The following PPFIA1 variants were observed in gnomAD, a reference collection of about 807,000 sequenced individuals.
The protein encoded by PPFIA1 is liprin-alpha-1.
In PPFIA1, 25 loss-of-function variants were observed where a neutral mutation model predicts 149.9. That is an observed-to-expected ratio of 0.17 (90% CI 0.12 to 0.23). The LOEUF (loss-of-function observed/expected upper bound fraction) is 0.23, where lower values mean the gene tolerates loss of function less well. PPFIA1 is among the 10% of genes least tolerant of loss of function. The pLI is 1.00. For synonymous variants in PPFIA1, 549 were observed against 552.8 expected (o/e 0.99, Z 0.10); for missense variants, 1,362 against 1,506.5 (o/e 0.90, Z 1.59).
chr11:70,339,410 CT>C, intron 14 of PPFIA1, 104 bp downstream of exon 14: 1 of 1,287,284 alleles, frequency 7.8e-7, no homozygotes, highest in Non-Finnish European at 1.1e-6. Flanking sequence ...TCATTGCTTT[CT>C]TGCCCTCCTC....
At chr11:70,300,723 C>T (rs1278349938) in intron 2 of PPFIA1, among the ~76,000 whole-genome samples, 84 of 152,220 alleles carry the variant, frequency 5.5e-4, no homozygotes, top group Non-Finnish European at 1.3e-4. Context: ...TTAGTAGAGA[C>T]AGGGTTTCAC....
intron 2 of PPFIA1, among the ~76,000 whole-genome samples, chr11:70,290,134 G>A (rs1321015227): frequency 6.6e-6 from 1 of 152,104 alleles, no homozygotes; most frequent in Admixed American, 6.6e-5. Context: ...GGAGGCTGAG[G>A]CACGAGAATC....
Position 70,375,021 on chromosome 11 carries a change from T to C in PPFIA1, c.3243T>C (p.Leu1081=). ...TAGAGAGTGGTGTTCACGGAGCACT[T>C]CTGGCCTTAGATGAAACCTTCGACT... ...NLIESGVHGA[L]LALDETFDFS... is the part of the protein sequence containing the mutation. Residue 1081 remains leucine, a synonymous_variant, in exon 24 of 28, where the codon CTT becomes CTC. Coordinates refer to ENST00000253925, the MANE Select transcript of PPFIA1 (RefSeq NM_003626.5). 1 of 1,613,974 alleles carries C rather than the reference T, an allele frequency of 6.2e-7. No individual in the cohort carries two copies. Among genetic ancestry groups the C allele is most frequent in the African/African-American group, 1.3e-5 (1 of 75,022 alleles).
chr11:70,299,426 A>G (rs1352629358), intron 2 of PPFIA1, among the ~76,000 whole-genome samples: 5 of 152,192 alleles, frequency 3.3e-5, no homozygotes, highest in Non-Finnish European at 7.3e-5. Context: ...CATGTTAGGT[A>G]AACCCCTGTG....
At chr11:70,323,217 G>T (rs1000715390) in intron 2 of PPFIA1, among the ~76,000 whole-genome samples, 1 of 152,138 alleles carries the variant, frequency 6.6e-6, no homozygotes, top group Non-Finnish European at 1.5e-5. Flanking sequence ...GGGTTTAAAT[G>T]TTAGTGCCCT....
chr11:70,331,856 A>T (rs1180288402), intron 8 of PPFIA1, 104 bp from the exon 9 acceptor site: 1 of 1,275,396 alleles, frequency 7.8e-7, no homozygotes, highest in Non-Finnish European at 1.1e-6. Flanking sequence ...CTCTTCCATC[A>T]TGACTCTCTT....
chr11:70,377,937 C>A, intron 25 of PPFIA1, 93 bp from the exon 26 acceptor site: 1 of 983,478 alleles, frequency 1.0e-6, no homozygotes, highest in Non-Finnish European at 1.5e-6. Context: ...AATACATTCT[C>A]GAGATCAGCA....
At position 70,333,506 on chromosome 11, in the gene PPFIA1, C is replaced by G. The variant is rs1232189475; in HGVS notation, c.1249C>G (p.Arg417Gly). 6 of 1,613,244 alleles carry G rather than the reference C, an allele frequency of 3.7e-6. No individual in the cohort carries two copies. The highest frequency in any genetic ancestry group is 4.2e-6 in the Non-Finnish European group (5 of 1,179,770). The change falls in exon 10 of 28, where the codon CGA becomes GGA. Residue 417 changes from arginine (R) to glycine (G), a missense_variant. By Grantham distance (125) the Arg-to-Gly change is moderately radical. Coordinates refer to ENST00000253925, the MANE Select transcript of PPFIA1 (RefSeq NM_003626.5). ...ACACGGCAACATTGAAGAAAGGTTA[C>G]GACAGATGGAAGCACAGTTGGAGGA... ...ERHGNIEERLRQMEAQLEEKN... is the reference protein window; with the variant it reads ...ERHGNIEERLGQMEAQLEEKN...
intron 2 of PPFIA1, among the ~76,000 whole-genome samples, chr11:70,286,784 G>T (rs2051161333): frequency 6.9e-6 from 1 of 144,596 alleles, no homozygotes; most frequent in Non-Finnish European, 1.5e-5. Context: ...TTGAGACAGG[G>T]TCTCACTTTA....
chr11:70,333,441 A>G, intron 9 of PPFIA1, 29 bp from the exon 10 acceptor site: 1 of 1,560,808 alleles, frequency 6.4e-7, no homozygotes, highest in Non-Finnish European at 8.8e-7. Context: ...TGTAAGGATG[A>G]CGTCAGCGTA....
At chr11:70,312,328 A>G (rs1029547553) in intron 2 of PPFIA1, among the ~76,000 whole-genome samples, 7 of 150,982 alleles carry the variant, frequency 4.6e-5, no homozygotes, top group Non-Finnish European at 1.0e-4. Context: ...GTAGCTGGGA[A>G]TACAGGTGCG....
chr11:70,280,088 A>T (rs183436155), intron 2 of PPFIA1, among the ~76,000 whole-genome samples: 12 of 151,936 alleles, frequency 7.9e-5, no homozygotes, highest in African/African-American at 2.9e-4. Context: ...CTGTATTTTC[A>T]GTGGAGGTGG....
At chr11:70,339,113 A>G in intron 13 of PPFIA1, 58 bp from the exon 14 acceptor site, 1 of 1,600,942 alleles carries the variant, frequency 6.2e-7, no homozygotes, top group Non-Finnish European at 8.5e-7. Flanking sequence ...GCCTTAACTA[A>G]AAGAGAGTTT....
intron 2 of PPFIA1, among the ~76,000 whole-genome samples, chr11:70,310,261 G>A (rs1333258301): frequency 6.6e-6 from 1 of 152,158 alleles, no homozygotes; most frequent in Non-Finnish European, 1.5e-5. Flanking sequence ...CTTGAATTAA[G>A]GTTTCTCAGG....
At chr11:70,338,230 A>T (rs1185960927) in intron 12 of PPFIA1, 144 bp from the exon 13 acceptor site, 7 of 644,670 alleles carry the variant, frequency 1.1e-5, no homozygotes, top group Non-Finnish European at 1.3e-5. Flanking sequence ...CTTGGAGAAA[A>T]TTTTCCCAGA....
chr11:70,303,649 G>A (rs2136389619), intron 2 of PPFIA1, among the ~76,000 whole-genome samples: 1 of 152,296 alleles, frequency 6.6e-6, no homozygotes, highest in African/African-American at 2.4e-5. Flanking sequence ...TACTGAGAGT[G>A]TCCTTATGTG....
At chr11:70,340,807 C>T (rs1291128595) in intron 14 of PPFIA1, among the ~76,000 whole-genome samples, 1 of 150,552 alleles carries the variant, frequency 6.6e-6, no homozygotes, top group Non-Finnish European at 1.5e-5. Flanking sequence ...CTCCTGTGAG[C>T]ACAGGAGCAG....
intron 8 of PPFIA1, among the ~76,000 whole-genome samples, chr11:70,331,196 C>G (rs1429522225): frequency 6.6e-6 from 1 of 150,956 alleles, no homozygotes; most frequent in Non-Finnish European, 1.5e-5. Context: ...GATTGTGCCA[C>G]TGCACTCCAG....
chr11:70,333,660 C>G (rs2054804404), intron 10 of PPFIA1, 107 bp downstream of exon 10: 2 of 860,490 alleles, frequency 2.3e-6, no homozygotes, highest in East Asian at 5.3e-5. Flanking sequence ...TGTTGGTCCT[C>G]CAGCTCAGTT....
Sources: gnomAD v4.1 joint callset for allele counts (sites outside exome capture counted in the v4.1 genomes callset) on GRCh38, gnomAD v4.1.1 for gene constraint, MANE v1.5 for transcripts, NCBI Gene and HGNC (gene_info 2026-07-23, HGNC 2026-07-21) for gene names.